Variants in PARD3B observed in about 807,000 individuals in gnomAD.
PARD3B encodes the protein par-3 family cell polarity regulator beta, also known as partitioning defective 3 homolog B.
In PARD3B, 103 loss-of-function variants were observed where a neutral mutation model predicts 130.2. The ratio of observed to expected loss-of-function variants is 0.79; its 90% confidence interval spans 0.67 to 0.93. The LOEUF (loss-of-function observed/expected upper bound fraction) is 0.93, where lower values mean the gene tolerates loss of function less well. Among genes scored for constraint, PARD3B ranks in the 40% least tolerant of loss-of-function variants. The probability of loss-of-function intolerance (pLI) is 0.00; values close to 1 mark genes in which losing one functional copy is unlikely to be tolerated. For synonymous variants in PARD3B, 583 were observed against 553.2 expected (o/e 1.05, Z -0.76); for missense variants, 1,609 against 1,499.2 (o/e 1.07, Z -1.21).
chr2:204,762,761 CTTT>C (rs5837937), intron 2 of PARD3B, among the ~76,000 whole-genome samples: 3 of 32,616 alleles, frequency 9.2e-5, no homozygotes, highest in Non-Finnish European at 3.1e-4. Flanking sequence ...TTTTCTTTTT[CTTT>C]TTTTTTTTTT....
At chr2:205,491,058 C>T (rs2106319496) in intron 20 of PARD3B, among the ~76,000 whole-genome samples, 1 of 152,198 alleles carries the variant, frequency 6.6e-6, no homozygotes, top group East Asian at 1.9e-4. Context: ...CTGTAGGTTG[C>T]CTGTTCACTC....
rs1171535338 is a variant in PARD3B, at chr2:205,146,201, G to A, written c.1435-12521G>A. On this transcript the variant is annotated intron_variant, in intron 10 of 22. Coordinates refer to ENST00000406610, the MANE Select transcript of PARD3B (RefSeq NM_001302769.2). This position sits in a 1 kb window ranked among gnomAD's most constrained non-coding sequence, Gnocchi z 4.3. ...TTTATGTTTCATTCTTGTCCTTGAT[G>A]TTGTGCTATCTTTTAAAGATGTTAC... Among the ~76,000 whole-genome samples, 1 of 152,176 alleles carries A rather than the reference G, an allele frequency of 6.6e-6. No homozygotes were observed. The highest frequency in any genetic ancestry group is 1.5e-5 in the Non-Finnish European group (1 of 68,028).
chr2:204,618,998 G>C (rs532137843), intron 1 of PARD3B, among the ~76,000 whole-genome samples: 3 of 151,832 alleles, frequency 2.0e-5, no homozygotes, highest in South Asian at 2.1e-4. Flanking sequence ...TTACATTAGC[G>C]TATTGGTTTC....
chr2:205,121,349 T>C lies in PARD3B; in HGVS notation c.807-242T>C, dbSNP rs1197460954. On this transcript the variant is annotated intron_variant, in intron 7 of 22. Transcript: ENST00000406610. The surrounding 1 kb of genome is among the most constrained non-coding windows in gnomAD (Gnocchi z 5.0). The stretch of plus-strand genomic sequence containing the variant: ...GAAAGCTATTTATACTTACCGAATG[T>C]GCTTTCTAAATTAGAGAAGGATGCA... Among the ~76,000 whole-genome samples the C allele has an allele frequency of 6.6e-6, 1 of 152,224 alleles. No homozygotes were observed. Among genetic ancestry groups the C allele is most frequent in the East Asian group, 1.9e-4 (1 of 5,194 alleles).
intron 2 of PARD3B, among the ~76,000 whole-genome samples, chr2:204,716,446 G>C (rs1455653624): frequency 6.6e-6 from 1 of 152,040 alleles, no homozygotes; most frequent in Non-Finnish European, 1.5e-5. Context: ...GGAATGTAGT[G>C]AGGGAGATTT....
intron 18 of PARD3B, among the ~76,000 whole-genome samples, chr2:205,390,830 T>G (rs2045832664): frequency 6.6e-6 from 1 of 152,216 alleles, no homozygotes; most frequent in African/African-American, 2.4e-5. Context: ...AAATTGCCCA[T>G]GTGTTACTTT....
In PARD3B at chr2:204,755,731, T is replaced by C. The variant is rs568580454; in HGVS notation, c.222+69449T>C. On this transcript the variant is annotated intron_variant, in intron 2 of 22. Transcript: ENST00000406610. ...TACATTTTTTCAGGGCCAAGAGTTA[T>C]TCCAGGCAATGGAAATATGGCAGTT... Among the ~76,000 whole-genome samples the C allele has an allele frequency of 3.3e-5, 5 of 152,262 alleles. No individual in the cohort carries two copies. The South Asian group carries it at 1.0e-3, about 32-fold the overall frequency.
At chr2:205,095,506 A>T (rs945326457) in intron 4 of PARD3B, among the ~76,000 whole-genome samples, 2 of 152,096 alleles carry the variant, frequency 1.3e-5, no homozygotes, top group African/African-American at 4.8e-5. Flanking sequence ...AAGTGCACCC[A>T]CTGGTGTTAG....
At chr2:204,696,978 A>C (rs908039265) in intron 2 of PARD3B, among the ~76,000 whole-genome samples, 1 of 152,118 alleles carries the variant, frequency 6.6e-6, no homozygotes, top group Non-Finnish European at 1.5e-5. Context: ...TACAATTGAA[A>C]TACACATGTT....
intron 2 of PARD3B, among the ~76,000 whole-genome samples, chr2:204,933,365 TTTAA>T (rs904804273): frequency 1.3e-5 from 2 of 152,200 alleles, no homozygotes; most frequent in African/African-American, 2.4e-5. Context: ...TCACAGGGAC[TTTAA>T]TTAAGAAATA....
chr2:205,605,135 T>C (rs12463830), intron 22 of PARD3B, among the ~76,000 whole-genome samples: 44,242 of 152,128 alleles, frequency 0.29, 7,122 homozygotes, highest in Middle Eastern at 0.39. Context: ...CTTAGCTTCT[T>C]TGCATTGGGT....
chr2:205,398,375 T>G lies in PARD3B; in HGVS notation c.2631-2638T>G, dbSNP rs1003656801. 1.1e-4 allele frequency among the ~76,000 whole-genome samples: 17 copies of G among 152,220 alleles called. 1 individual carries two copies. In the South Asian group the frequency reaches 1.2e-3, roughly 11 times the overall value. ...TTTCCGTACTTCTGTAAATGATACA[T>G]GGATATTTCTTCAGTGAAAAAAAAG... is the stretch of plus-strand genomic sequence containing the variant. On this transcript the variant is annotated intron_variant, in intron 18 of 22. Transcript: ENST00000406610.
In PARD3B at chr2:204,545,820, CCTGCCGCCTGGCCAGGTGGAAGGGGCG is replaced by C. The variant is rs967826303; in HGVS notation, c.-172_-146del. On this transcript the variant is annotated 5_prime_UTR_variant, in exon 1 of 23. Coordinates refer to ENST00000406610, the MANE Select transcript of PARD3B (RefSeq NM_001302769.2). ...GGCCGCCCCTCCCCGATTCCCGCCA[CCTGCCGCCTGGCCAGGTGGAAGGGGCG>C]CTGCCGCGAGCCTCCGGGCCTCAGG... 4.9e-6 allele frequency: 3 copies of C among 613,582 alleles called. No homozygotes were observed. The highest frequency in any genetic ancestry group is 3.3e-5 in the South Asian group (1 of 30,036). The allele number at this position is 613,582 out of a possible 1,614,324, so 38.0% of individuals were successfully genotyped here.
intron 20 of PARD3B, among the ~76,000 whole-genome samples, chr2:205,467,856 A>G (rs1230749442): frequency 6.6e-6 from 1 of 152,246 alleles, no homozygotes; most frequent in East Asian, 1.9e-4. Flanking sequence ...CTGCCACTAA[A>G]CAAGCACCAT....
intron 2 of PARD3B, among the ~76,000 whole-genome samples, chr2:204,904,048 A>T (rs937732958): frequency 6.6e-6 from 1 of 152,176 alleles, no homozygotes; most frequent in African/African-American, 2.4e-5. Flanking sequence ...TTCCCATCAG[A>T]GTATATTGCA....
intron 2 of PARD3B, among the ~76,000 whole-genome samples, chr2:204,729,552 C>T (rs945072613): frequency 2.0e-5 from 3 of 152,224 alleles, no homozygotes; most frequent in Non-Finnish European, 2.9e-5. Context: ...GCAGACATCT[C>T]GTGTCTCAAA....
At chr2:205,319,110 A>G (rs776910259) in intron 18 of PARD3B, among the ~76,000 whole-genome samples, 2 of 152,168 alleles carry the variant, frequency 1.3e-5, no homozygotes, top group Non-Finnish European at 2.9e-5. Flanking sequence ...GATTTTCAAT[A>G]GCCTCTCCCG....
At chr2:205,109,031 ACAACCTTCCC>A (rs1282292690) in intron 5 of PARD3B, among the ~76,000 whole-genome samples, 7 of 151,850 alleles carry the variant, frequency 4.6e-5, no homozygotes, top group Admixed American at 1.3e-4. Context: ...ATTACCTGTC[ACAACCTTCCC>A]CTTAGATTAT....
chr2:204,656,942 C>T (rs2035658039), intron 1 of PARD3B, among the ~76,000 whole-genome samples: 1 of 152,154 alleles, frequency 6.6e-6, no homozygotes, highest in Non-Finnish European at 1.5e-5. Flanking sequence ...GTTCTGAAGT[C>T]ACAATCTGAG....
Sources: gnomAD v4.1 joint callset for allele counts (sites outside exome capture counted in the v4.1 genomes callset) on GRCh38, gnomAD v4.1.1 for gene constraint, Gnocchi (gnomAD v3.1) non-coding constraint, MANE v1.5 for transcripts, NCBI Gene and HGNC (gene_info 2026-07-23, HGNC 2026-07-21) for gene names.